The following UBL7 variants were observed in gnomAD, a reference collection of about 807,000 sequenced individuals.
UBL7 encodes ubiquitin-like protein 7.
Under a neutral mutation model 41.7 loss-of-function variants are expected in UBL7, and 21 were observed. That is an observed-to-expected ratio of 0.50 (90% CI 0.36 to 0.73). The LOEUF is 0.73. Among genes scored for constraint, UBL7 ranks in the 30% least tolerant of loss-of-function variants. UBL7 has a pLI of 0.00. For missense variants in UBL7, 403 were observed against 478.4 expected (o/e 0.84, Z 1.47); for synonymous variants, 157 against 186.9 (o/e 0.84, Z 1.31).
intron 3 of UBL7, among the ~76,000 whole-genome samples, chr15:74,453,921 C>T (rs1182814167): frequency 6.6e-6 from 1 of 152,202 alleles, no homozygotes; most frequent in African/African-American, 2.4e-5. Flanking sequence ...AAATAATCCT[C>T]CAGGTAGAAG....
intron 3 of UBL7, among the ~76,000 whole-genome samples, chr15:74,455,890 C>T (rs966733204): frequency 1.3e-4 from 20 of 152,042 alleles, no homozygotes; most frequent in South Asian, 8.3e-4. Context: ...TTTGGGAGGC[C>T]GAGGCGGGCA....
intron 4 of UBL7, 91 bp from the exon 5 acceptor site, chr15:74,451,611 A>C: frequency 1.0e-6 from 1 of 953,752 alleles, no homozygotes; most frequent in Non-Finnish European, 1.7e-6. Flanking sequence ...CCTCCCTCTA[A>C]GTGCTTGCAT....
chr15:74,451,616 T>C (rs2141316685), intron 4 of UBL7, 96 bp from the exon 5 acceptor site: 2 of 874,690 alleles, frequency 2.3e-6, no homozygotes, highest in East Asian at 4.9e-5. Flanking sequence ...CTCTAAGTGC[T>C]TGCATGTACA....
rs753568053 is a variant in UBL7, at chr15:74,450,910, G to A, written c.473-51C>T. On this transcript the variant is annotated intron_variant, in intron 5 of 10. Transcript: ENST00000395081. The stretch of plus-strand genomic sequence containing the variant: ...AAGAAAGGAAATCAGCCAGATCCAG[G>A]AGGGAGAAGAGGCTTTGCGTCTCAG... The A allele has an allele frequency of 6.9e-6, 11 of 1,600,168 alleles. No homozygotes were observed. The South Asian group carries it at 9.9e-5, about 14-fold the overall frequency.
chr15:74,457,171 A>C (rs2061302752), intron 2 of UBL7, among the ~76,000 whole-genome samples: 1 of 152,214 alleles, frequency 6.6e-6, no homozygotes, highest in Non-Finnish European at 1.5e-5. Context: ...ACTTACATCG[A>C]ATCTGGCCAG....
chr15:74,460,642 A>T (rs779693215), intron 1 of UBL7: 1 of 1,251,158 alleles, frequency 8.0e-7, no homozygotes, highest in South Asian at 1.3e-5. Flanking sequence ...AAAAGACTAA[A>T]GTTTTCTTCA....
intron 10 of UBL7, 44 bp downstream of exon 10, chr15:74,448,430 AAAAT>A (rs757411331): frequency 2.5e-6 from 4 of 1,608,336 alleles, no homozygotes; most frequent in African/African-American, 1.3e-5. Context: ...CTGGGCATCC[AAAAT>A]AACAAGGAAG....
chr15:74,453,728 G>C (rs1358569800), intron 3 of UBL7, among the ~76,000 whole-genome samples: 1 of 152,176 alleles, frequency 6.6e-6, no homozygotes, highest in African/African-American at 2.4e-5. Flanking sequence ...AGATCCAGGT[G>C]GGAAGACAGA....
intron 3 of UBL7, among the ~76,000 whole-genome samples, chr15:74,454,653 C>G (rs1275852589): frequency 1.3e-5 from 2 of 152,178 alleles, no homozygotes; most frequent in African/African-American, 2.4e-5. Flanking sequence ...CCACCTCGGC[C>G]TCCCAAAGTT....
chr15:74,457,955 C>T (rs1036282863), intron 2 of UBL7, among the ~76,000 whole-genome samples: 4 of 151,990 alleles, frequency 2.6e-5, no homozygotes, highest in Non-Finnish European at 5.9e-5. Context: ...TAAATTCCTC[C>T]CTCCTCCACC....
chr15:74,448,386 A>G, intron 10 of UBL7, 92 bp downstream of exon 10: 1 of 1,566,366 alleles, frequency 6.4e-7, no homozygotes, highest in Non-Finnish European at 8.7e-7. Context: ...GAAGCATGCC[A>G]GGTGTGAAGG....
Position 74,448,245 on chromosome 15 carries a change from G to A in UBL7, c.1005+233C>T, listed in dbSNP as rs533678376. 2.0e-5 allele frequency among the ~76,000 whole-genome samples: 3 copies of A among 152,300 alleles called. No individual in the cohort carries two copies. The South Asian group carries it at 6.2e-4, about 32-fold the overall frequency. On this transcript the variant is annotated intron_variant, in intron 10 of 10. Coordinates refer to ENST00000395081, the MANE Select transcript of UBL7 (RefSeq NM_032907.5). ...TGGCCATGATTATCTAAGCCAGGTG[G>A]TCTAGGGAGTCAGGCCATGGTCACT... is the stretch of plus-strand genomic sequence containing the variant.
intron 2 of UBL7, among the ~76,000 whole-genome samples, chr15:74,457,966 T>G (rs1045726120): frequency 2.0e-5 from 3 of 152,032 alleles, no homozygotes; most frequent in Non-Finnish European, 2.9e-5. Context: ...CTCCTCCACC[T>G]GGACTGCCCA....
intron 10 of UBL7, 80 bp downstream of exon 10, chr15:74,448,398 C>A: frequency 6.3e-7 from 1 of 1,589,068 alleles, no homozygotes; most frequent in Non-Finnish European, 8.6e-7. Context: ...GTGTGAAGGA[C>A]CGCCAGAGAG....
At position 74,456,536 on chromosome 15, in the gene UBL7, G is replaced by A; in HGVS notation, c.304+16C>T. The A allele has an allele frequency of 6.2e-7, 1 of 1,613,392 alleles. No individual in the cohort carries two copies. Among genetic ancestry groups the A allele is most frequent in the Non-Finnish European group, 8.5e-7 (1 of 1,179,464 alleles). On this transcript the variant is annotated intron_variant, in intron 3 of 10. Coordinates refer to ENST00000395081, the MANE Select transcript of UBL7 (RefSeq NM_032907.5). Reference sequence around the variant, plus strand: ...TTACAGAAACTCTGCCTGCCTAAGGGCTGCCCCTCACTCACCCGGTTTCTG... The same window carrying A: ...TTACAGAAACTCTGCCTGCCTAAGGACTGCCCCTCACTCACCCGGTTTCTG...
chr15:74,454,586 CG>C (rs1567090798), intron 3 of UBL7, among the ~76,000 whole-genome samples: 1 of 152,040 alleles, frequency 6.6e-6, no homozygotes, highest in Non-Finnish European at 1.5e-5. Context: ...TTAGTATAGA[CG>C]GGGTTTCTCC....
At chr15:74,456,170 T>C (rs1387425837) in intron 3 of UBL7, among the ~76,000 whole-genome samples, 6 of 148,286 alleles carry the variant, frequency 4.0e-5, no homozygotes, top group Non-Finnish European at 1.5e-5. Context: ...TGGTGACTCA[T>C]GCCTGTAATC....
intron 1 of UBL7, among the ~76,000 whole-genome samples, chr15:74,459,932 C>CAAAAAAAAAAAAAAAA (rs55846825): frequency 5.5e-5 from 1 of 18,270 alleles, no homozygotes; most frequent in African/African-American, 1.9e-4. Context: ...GACTCTGTCG[C>CAAAAAAAAAAAAAAAA]AAAAAAAAAA....
intron 8 of UBL7, 40 bp downstream of exon 8, chr15:74,449,586 C>T (rs960971250): frequency 4.3e-6 from 7 of 1,613,936 alleles, no homozygotes; most frequent in Non-Finnish European, 5.9e-6. Context: ...ACCATCTCCC[C>T]CACATGTCAG....
Sources: allele counts gnomAD v4.1 joint callset (sites outside exome capture counted in the v4.1 genomes callset), GRCh38; gene constraint gnomAD v4.1.1; transcripts MANE v1.5; gene names NCBI Gene and HGNC (gene_info 2026-07-23, HGNC 2026-07-21).